Variants in SDCCAG8 observed in about 807,000 individuals in gnomAD.
SDCCAG8 encodes SHH signaling and ciliogenesis regulator SDCCAG8, also known as serologically defined colon cancer antigen 8.
A neutral mutation model predicts 101.8 loss-of-function variants in SDCCAG8; 74 were observed. The ratio of observed to expected loss-of-function variants is 0.73; its 90% confidence interval spans 0.60 to 0.88. The LOEUF is 0.88. Ranked by LOEUF, SDCCAG8 falls within the 40% of genes least tolerant of loss-of-function variation. The pLI is 0.00. For missense variants in SDCCAG8, 787 were observed against 822.6 expected (o/e 0.96, Z 0.53); for synonymous variants, 281 against 292.9 (o/e 0.96, Z 0.41).
chr1:243,441,576 G>A (rs1429705189), intron 16 of SDCCAG8, among the ~76,000 whole-genome samples: 1 of 151,956 alleles, frequency 6.6e-6, no homozygotes, highest in East Asian at 1.9e-4. Flanking sequence ...AAATTCATAT[G>A]GCTAGATTTT....
At chr1:243,371,850 A>C (rs1209773273) in intron 12 of SDCCAG8, among the ~76,000 whole-genome samples, 1 of 152,170 alleles carries the variant, frequency 6.6e-6, no homozygotes, top group Non-Finnish European at 1.5e-5. Context: ...CCAATATGGT[A>C]GCCATGGAAT....
At chr1:243,387,277 A>C (rs1210876541) in intron 13 of SDCCAG8, among the ~76,000 whole-genome samples, 1 of 147,766 alleles carries the variant, frequency 6.8e-6, no homozygotes, top group African/African-American at 2.5e-5. Flanking sequence ...TAAATCCTGC[A>C]TTTTTTTTTT....
chr1:243,296,308 T>G (rs572235009), intron 6 of SDCCAG8, among the ~76,000 whole-genome samples: 1 of 152,302 alleles, frequency 6.6e-6, no homozygotes, highest in African/African-American at 2.4e-5. Flanking sequence ...TAGTTTATTC[T>G]TAGCAGAATA....
intron 6 of SDCCAG8, among the ~76,000 whole-genome samples, chr1:243,294,694 A>AC (rs2070665635): frequency 3.1e-5 from 1 of 32,450 alleles, no homozygotes; most frequent in Non-Finnish European, 7.6e-5. Context: ...GACTTTCTAA[A>AC]TTCCCCCCCC....
At chr1:243,308,836 T>C (rs1209201158) in intron 8 of SDCCAG8, among the ~76,000 whole-genome samples, 1 of 152,238 alleles carries the variant, frequency 6.6e-6, no homozygotes, top group Non-Finnish European at 1.5e-5. Flanking sequence ...AGAATTATTA[T>C]GTAATATAGA....
chr1:243,282,489 C>T (rs2069154138), intron 4 of SDCCAG8, among the ~76,000 whole-genome samples: 1 of 152,144 alleles, frequency 6.6e-6, no homozygotes, highest in Non-Finnish European at 1.5e-5. Context: ...CTTATATCCA[C>T]TTATTCCTTC....
At chr1:243,452,018 A>G (rs183713243) in intron 16 of SDCCAG8, among the ~76,000 whole-genome samples, 1 of 152,336 alleles carries the variant, frequency 6.6e-6, no homozygotes, top group Non-Finnish European at 1.5e-5. Flanking sequence ...AAACCCTTCC[A>G]TCAAAGGCCC....
Position 243,307,933 on chromosome 1 carries a change from TAA to T in SDCCAG8, c.741-54_741-53del, listed in dbSNP as rs1293115206. On this transcript the variant is annotated intron_variant, in intron 7 of 17. Coordinates refer to ENST00000366541, the MANE Select transcript of SDCCAG8 (RefSeq NM_006642.5). ...TAGTTAACATTATGATGATTCATTT[TAA>T]AGTCATGTAATTTTACCTGGCCATT... The T allele has an allele frequency of 1.9e-6, 3 of 1,606,218 alleles. No homozygotes were observed. The East Asian group carries it at 6.7e-5, about 36-fold the overall frequency.
At chr1:243,263,989 T>C (rs775737071) in intron 1 of SDCCAG8, among the ~76,000 whole-genome samples, 1 of 152,170 alleles carries the variant, frequency 6.6e-6, no homozygotes, top group Non-Finnish European at 1.5e-5. Flanking sequence ...TTTATTTTTC[T>C]GCATGTCTGC....
At chr1:243,293,393 T>A (rs1466702732) in intron 6 of SDCCAG8, 174 bp downstream of exon 6, 1 of 776,430 alleles carries the variant, frequency 1.3e-6, no homozygotes, top group Admixed American at 2.0e-5. Context: ...CATTATCCAT[T>A]TTCAGAACTT....
intron 4 of SDCCAG8, among the ~76,000 whole-genome samples, chr1:243,284,745 A>C (rs1288992294): frequency 2.6e-5 from 4 of 152,204 alleles, no homozygotes; most frequent in Non-Finnish European, 5.9e-5. Flanking sequence ...CATGCCAAGC[A>C]TATTTCAAAC....
chr1:243,393,132 T>C (rs1022562299), intron 13 of SDCCAG8, among the ~76,000 whole-genome samples: 1 of 151,926 alleles, frequency 6.6e-6, no homozygotes, highest in African/African-American at 2.4e-5. Context: ...AAAATCAGGA[T>C]AAAAGAGAAA....
At chr1:243,260,221 A>C (rs1215865128) in intron 1 of SDCCAG8, among the ~76,000 whole-genome samples, 5 of 152,224 alleles carry the variant, frequency 3.3e-5, no homozygotes, top group Admixed American at 2.0e-4. Flanking sequence ...AATGGTCTGA[A>C]AGTTTCCAGT....
chr1:243,270,772 G>C (rs1416673834), intron 2 of SDCCAG8, among the ~76,000 whole-genome samples: 1 of 151,468 alleles, frequency 6.6e-6, no homozygotes, highest in Non-Finnish European at 1.5e-5. Context: ...ATATCTATTA[G>C]TGTCTCTCTC....
Position 243,408,739 on chromosome 1 carries a change from C to G in SDCCAG8, c.1617-6963C>G, listed in dbSNP as rs1432566479. Among the ~76,000 whole-genome samples the G allele has an allele frequency of 6.5e-4, 99 of 152,260 alleles. 1 individual carries two copies. The highest frequency in any genetic ancestry group is 8.8e-5 in the Non-Finnish European group (6 of 68,014). On this transcript the variant is annotated intron_variant, in intron 13 of 17. Transcript: ENST00000366541. The stretch of plus-strand genomic sequence containing the variant: ...TAAAGAACTTGGACATACTGTATAA[C>G]CTCTCTAGGCTCCCATTTTCTTATC...
chr1:243,465,165 T>C (rs983775348), intron 16 of SDCCAG8, among the ~76,000 whole-genome samples: 2 of 152,176 alleles, frequency 1.3e-5, no homozygotes, highest in Admixed American at 6.5e-5. Context: ...GGAAAAGGCA[T>C]GGGTGAGTCA....
At chr1:243,344,708 G>T (rs992765081) in intron 12 of SDCCAG8, among the ~76,000 whole-genome samples, 8 of 152,136 alleles carry the variant, frequency 5.3e-5, no homozygotes, top group Admixed American at 5.2e-4. Context: ...TTTAAAATTC[G>T]TAAGATGAGA....
At chr1:243,306,893 T>C (rs1464963142) in intron 7 of SDCCAG8, among the ~76,000 whole-genome samples, 1 of 151,990 alleles carries the variant, frequency 6.6e-6, no homozygotes, top group Non-Finnish European at 1.5e-5. Flanking sequence ...ATCTCAACAG[T>C]TGTCTGACAG....
At chr1:243,274,347 G>A (rs2149268304) in intron 3 of SDCCAG8, among the ~76,000 whole-genome samples, 196 bp from the exon 4 acceptor site, 1 of 152,286 alleles carries the variant, frequency 6.6e-6, no homozygotes, top group South Asian at 2.1e-4. Flanking sequence ...TTCAACTTGA[G>A]GTTTGTGGGG....
Sources: gnomAD v4.1 joint callset for allele counts (sites outside exome capture counted in the v4.1 genomes callset) on GRCh38, gnomAD v4.1.1 for gene constraint, MANE v1.5 for transcripts, NCBI Gene and HGNC (gene_info 2026-07-23, HGNC 2026-07-21) for gene names.